Variants in PTPRG observed in about 807,000 individuals in gnomAD.
The protein encoded by PTPRG is protein tyrosine phosphatase receptor type G.
PTPRG carries 102 observed loss-of-function variants against 165.3 expected under a neutral mutation model. The ratio of observed to expected loss-of-function variants is 0.62; its 90% confidence interval spans 0.53 to 0.73. PTPRG has a LOEUF of 0.73. PTPRG is among the 30% of genes least tolerant of loss of function. PTPRG has a pLI of 0.00. For missense variants in PTPRG, 1,866 were observed against 1,861.4 expected (o/e 1.00, Z -0.05); for synonymous variants, 675 against 669.5 (o/e 1.01, Z -0.13).
intron 8 of PTPRG, among the ~76,000 whole-genome samples, chr3:62,185,836 G>A (rs540310918): frequency 6.6e-6 from 1 of 152,314 alleles, no homozygotes; most frequent in South Asian, 2.1e-4. Context: ...ACCTTGTGAG[G>A]AAGATAATTG....
chr3:61,738,326 A>ATGTGTATATATATG (rs374632240), intron 1 of PTPRG, among the ~76,000 whole-genome samples: 2 of 110,710 alleles, frequency 1.8e-5, no homozygotes, highest in Non-Finnish European at 3.8e-5. Flanking sequence ...ATATATATAT[A>ATGTGTATATATATG]TATATATATA....
chr3:61,625,809 A>G (rs903881431), intron 1 of PTPRG, among the ~76,000 whole-genome samples: 5 of 152,282 alleles, frequency 3.3e-5, no homozygotes, highest in African/African-American at 1.2e-4. Context: ...TGCTTAAATC[A>G]TATTCCGTGT....
chr3:62,225,296 G>A (rs908958714), intron 13 of PTPRG, among the ~76,000 whole-genome samples: 1 of 152,216 alleles, frequency 6.6e-6, no homozygotes, highest in Non-Finnish European at 1.5e-5. Flanking sequence ...CACAGCTGCT[G>A]CCACTCAGAG....
chr3:61,997,012 T>C lies in PTPRG; in HGVS notation c.371-6337T>C, dbSNP rs79276417. Among the ~76,000 whole-genome samples the C allele has an allele frequency of 5.6e-3, 852 of 152,322 alleles. 10 individuals are homozygous for C. Among genetic ancestry groups the C allele is most frequent in the African/African-American group, 0.017 (703 of 41,572 alleles). On this transcript the variant is annotated intron_variant, in intron 3 of 29. Coordinates refer to ENST00000474889, the MANE Select transcript of PTPRG (RefSeq NM_002841.4). ...TTGAAGAACCTTTTCTGTTTTAGGG[T>C]ACAGCGTTCTCTGCTAGACTCCTCC...
At chr3:62,257,439 A>G (rs965465027) in intron 16 of PTPRG, among the ~76,000 whole-genome samples, 2 of 152,216 alleles carry the variant, frequency 1.3e-5, no homozygotes, top group African/African-American at 4.8e-5. Context: ...TTTACCTGGA[A>G]TAATGATGGC....
intron 23 of PTPRG, among the ~76,000 whole-genome samples, chr3:62,274,156 A>AT (rs1478772339): frequency 2.0e-5 from 3 of 152,092 alleles, no homozygotes; most frequent in Non-Finnish European, 2.9e-5. Context: ...AAAATGTCCT[A>AT]TTTTTTCTGA....
intron 1 of PTPRG, among the ~76,000 whole-genome samples, chr3:61,649,632 G>T (rs574259393): frequency 1.3e-5 from 2 of 152,150 alleles, no homozygotes; most frequent in East Asian, 3.9e-4. Flanking sequence ...CAACACCTAC[G>T]TTTTGGAGGA....
chr3:61,823,427 A>T (rs1056043176), intron 2 of PTPRG, among the ~76,000 whole-genome samples: 3 of 152,130 alleles, frequency 2.0e-5, no homozygotes, highest in African/African-American at 7.2e-5. Context: ...TGACCTCGTG[A>T]TCCACCGCCT....
intron 1 of PTPRG, among the ~76,000 whole-genome samples, chr3:61,647,625 C>G (rs1334412370): frequency 1.3e-5 from 2 of 151,892 alleles, no homozygotes; most frequent in South Asian, 2.1e-4. Context: ...CCCGTCTCCA[C>G]TAAAAAATAC....
intron 2 of PTPRG, chr3:61,770,462 G>A (rs950531261): frequency 2.0e-5 from 3 of 152,070 alleles, no homozygotes; most frequent in Non-Finnish European, 2.9e-5. Context: ...ATATACATAC[G>A]TTGGTGCAAA....
chr3:61,962,896 GTTTTTGTAATTTAA>G (rs2040185702), intron 2 of PTPRG, among the ~76,000 whole-genome samples: 1 of 152,098 alleles, frequency 6.6e-6, no homozygotes, highest in African/African-American at 2.4e-5. Flanking sequence ...TAGTCATTTA[GTTTTTGTAATTTAA>G]TTTTTAAAAA....
intron 1 of PTPRG, chr3:61,739,378 T>A (rs940533931): frequency 6.6e-6 from 1 of 152,212 alleles, no homozygotes; most frequent in Non-Finnish European, 1.5e-5. Flanking sequence ...CTAGACAACT[T>A]CTTTCTTTTG....
At chr3:61,651,110 A>G (rs1162514380) in intron 1 of PTPRG, among the ~76,000 whole-genome samples, 1 of 149,436 alleles carries the variant, frequency 6.7e-6, no homozygotes, top group Non-Finnish European at 1.5e-5. Flanking sequence ...CCTCAATTAC[A>G]CGATGTATTT....
intron 10 of PTPRG, among the ~76,000 whole-genome samples, chr3:62,201,276 CAG>C (rs546721243): frequency 6.6e-5 from 10 of 152,316 alleles, no homozygotes; most frequent in African/African-American, 1.9e-4. Flanking sequence ...TAGCTTAAGA[CAG>C]GGGTCAGCAC....
intron 3 of PTPRG, among the ~76,000 whole-genome samples, chr3:61,994,605 A>G (rs1051203038): frequency 6.6e-6 from 1 of 152,234 alleles, no homozygotes; most frequent in Non-Finnish European, 1.5e-5. Context: ...CCATAAAAGT[A>G]AGGCAAGTAG....
In PTPRG at chr3:61,846,076, A is replaced by C. The variant is rs114087956; in HGVS notation, c.190+97094A>C. On this transcript the variant is annotated intron_variant, in intron 2 of 29. Coordinates refer to ENST00000474889, the MANE Select transcript of PTPRG (RefSeq NM_002841.4). ...TTTGAAAGCCTCAGCTTGCTCATCC[A>C]TTAAATAGGGATAATAATAGTAATT... Among the ~76,000 whole-genome samples the C allele has an allele frequency of 6.2e-3, 943 of 152,302 alleles. 15 individuals are homozygous for C. The highest frequency in any genetic ancestry group is 0.022 in the African/African-American group (905 of 41,578).
intron 13 of PTPRG, among the ~76,000 whole-genome samples, chr3:62,221,163 G>A (rs1423464315): frequency 6.6e-6 from 1 of 152,178 alleles, no homozygotes; most frequent in African/African-American, 2.4e-5. Flanking sequence ...ATCTCAGTGA[G>A]TCCAAATGGA....
chr3:61,912,133 A>G (rs933518750), intron 2 of PTPRG, among the ~76,000 whole-genome samples: 10 of 152,088 alleles, frequency 6.6e-5, no homozygotes, highest in African/African-American at 2.2e-4. Flanking sequence ...TTGTAGCCTC[A>G]TAGGATTTCC....
intron 11 of PTPRG, among the ~76,000 whole-genome samples, chr3:62,202,443 G>A (rs79273123): frequency 0.011 from 1,628 of 152,260 alleles, 15 homozygotes; most frequent in Non-Finnish European, 0.016. Context: ...CCTGGCACAC[G>A]GTTGGCATTT....
Sources: allele counts gnomAD v4.1 joint callset (sites outside exome capture counted in the v4.1 genomes callset), GRCh38; gene constraint gnomAD v4.1.1; transcripts MANE v1.5; gene names NCBI Gene and HGNC (gene_info 2026-07-23, HGNC 2026-07-21).